THSD7A: variants seen among roughly 807,000 people sequenced by gnomAD.
THSD7A encodes the protein thrombospondin type-1 domain-containing protein 7A.
Under a neutral mutation model 231.3 loss-of-function variants are expected in THSD7A, and 96 were observed. The observed-to-expected ratio is 0.41, with a 90% confidence interval of 0.35 to 0.49. THSD7A has a LOEUF of 0.49. THSD7A is among the 20% of genes least tolerant of loss of function. The pLI is 0.05. For missense variants in THSD7A, 2,290 were observed against 2,070.2 expected (o/e 1.11, Z -2.06); for synonymous variants, 940 against 743.3 (o/e 1.26, Z -4.30).
chr7:11,638,183 G>C (rs1781944152), intron 1 of THSD7A, among the ~76,000 whole-genome samples: 1 of 152,128 alleles, frequency 6.6e-6, no homozygotes, highest in African/African-American at 2.4e-5. Flanking sequence ...GTCTGCAAGA[G>C]GTTTCTACTG....
intron 1 of THSD7A, among the ~76,000 whole-genome samples, chr7:11,737,499 C>G (rs181242689): frequency 6.6e-6 from 1 of 152,012 alleles, no homozygotes; most frequent in Non-Finnish European, 1.5e-5. Context: ...ACTACACTCA[C>G]GCAGTTCCTG....
chr7:11,775,052 C>T (rs1033595290), intron 1 of THSD7A, among the ~76,000 whole-genome samples: 4 of 151,262 alleles, frequency 2.6e-5, no homozygotes, highest in African/African-American at 9.7e-5. Flanking sequence ...CAAAAGCAAA[C>T]AAAAAACAAA....
At position 11,375,429 on chromosome 7, in the gene THSD7A, T is replaced by G; in HGVS notation, c.*365A>C. ...GTAGAAACTCTTCATGCTAGGAAGT[T>G]TTATGGATTAACACTGCAGACGGTC... On this transcript the variant is annotated 3_prime_UTR_variant, in exon 28 of 28. Coordinates refer to ENST00000423059, the MANE Select transcript of THSD7A (RefSeq NM_015204.3). 5.9e-6 allele frequency: 1 copy of G among 169,470 alleles called. No individual in the cohort carries two copies. Among genetic ancestry groups the G allele is most frequent in the Non-Finnish European group, 1.3e-5 (1 of 79,676 alleles). 10.5% of individuals were successfully genotyped at this position (169,470 alleles called of 1,614,324 possible).
chr7:11,402,214 G>A (rs984454971), intron 22 of THSD7A, among the ~76,000 whole-genome samples: 3 of 152,146 alleles, frequency 2.0e-5, no homozygotes, highest in African/African-American at 7.2e-5. Flanking sequence ...GTAAATTGTG[G>A]CTGACAGGAG....
At position 11,375,407 on chromosome 7, in the gene THSD7A, G is replaced by GTC; in HGVS notation, c.*386_*387insGA. ...CCATAGTATTGTGGAGATCTTGGTA[G>GTC]AAACTCTTCATGCTAGGAAGTTTTA... On this transcript the variant is annotated 3_prime_UTR_variant, in exon 28 of 28. Transcript: ENST00000423059. 6.1e-6 allele frequency: 1 copy of GTC among 163,136 alleles called. No homozygotes were observed. The highest frequency in any genetic ancestry group is 1.3e-5 in the Non-Finnish European group (1 of 75,638). 10.1% of individuals were successfully genotyped at this position (163,136 alleles called of 1,614,324 possible).
intron 7 of THSD7A, among the ~76,000 whole-genome samples, chr7:11,481,088 C>T (rs1786404611): frequency 6.6e-6 from 1 of 152,100 alleles, no homozygotes; most frequent in African/African-American, 2.4e-5. Context: ...ATTACCCAGT[C>T]ACACAGAAGC....
intron 4 of THSD7A, among the ~76,000 whole-genome samples, chr7:11,558,948 C>A (rs1353526504): frequency 6.6e-6 from 1 of 150,812 alleles, no homozygotes; most frequent in Non-Finnish European, 1.5e-5. Flanking sequence ...AGGAGAGAAG[C>A]TTCTCGAGTG....
At chr7:11,391,427 G>A (rs1782976625) in intron 23 of THSD7A, among the ~76,000 whole-genome samples, 1 of 152,208 alleles carries the variant, frequency 6.6e-6, no homozygotes, top group Non-Finnish European at 1.5e-5. Flanking sequence ...TCAAGCCTCA[G>A]TAATGGCAGA....
rs748828746 is a variant in THSD7A, at chr7:11,636,679, A to G, written c.473T>C (p.Ile158Thr). The G allele has an allele frequency of 3.7e-6, 6 of 1,613,834 alleles. No individual in the cohort carries two copies. The South Asian group carries it at 6.6e-5, about 18-fold the overall frequency. ...KGEEGIQVREIACIQKDKDIP... is the reference protein window; with the variant it reads ...KGEEGIQVRETACIQKDKDIP... ...GTCTTTGTCTTTCTGGATGCACGCTATCTCCCTCACCTGAATACCTTCTTC... is the reference window on the plus strand; with the variant it reads ...GTCTTTGTCTTTCTGGATGCACGCTGTCTCCCTCACCTGAATACCTTCTTC... Residue 158 changes from isoleucine (I) to threonine (T), a missense_variant, in exon 2 of 28, where the codon ATA becomes ACA. Coordinates refer to ENST00000423059, the MANE Select transcript of THSD7A (RefSeq NM_015204.3). This position sits in a 1 kb window ranked among gnomAD's most constrained non-coding sequence, Gnocchi z 10.0.
At position 11,450,707 on chromosome 7, in the gene THSD7A, T is replaced by G. The variant is rs192700113; in HGVS notation, c.2606-3283A>C. ...GATGGATCATACTAAGAGCACAGTT[T>G]CTTAGCACACCAGAAAACTACATAT... On this transcript the variant is annotated intron_variant, in intron 11 of 27. Coordinates refer to ENST00000423059, the MANE Select transcript of THSD7A (RefSeq NM_015204.3). 1.6e-3 allele frequency among the ~76,000 whole-genome samples: 248 copies of G among 152,154 alleles called. 1 individual carries two copies. Among genetic ancestry groups the G allele is most frequent in the Middle Eastern group, 3.4e-3 (1 of 294 alleles).
Position 11,590,430 on chromosome 7 carries a change from G to A in THSD7A, c.1453+30C>T. The A allele has an allele frequency of 6.3e-7, 1 of 1,589,378 alleles. No homozygotes were observed. The highest frequency in any genetic ancestry group is 1.2e-5 in the South Asian group (1 of 86,172). On this transcript the variant is annotated intron_variant, in intron 4 of 27. Coordinates refer to ENST00000423059, the MANE Select transcript of THSD7A (RefSeq NM_015204.3). The surrounding 1 kb of genome is among the most constrained non-coding windows in gnomAD (Gnocchi z 4.4). ...TCACATGCTCAGTCAGTCTTCATAA[G>A]TGAATCCTTGAGAAGAAAGCAAAGG...
chr7:11,585,688 C>T (rs1371788100), intron 4 of THSD7A, among the ~76,000 whole-genome samples: 1 of 152,026 alleles, frequency 6.6e-6, no homozygotes, highest in Non-Finnish European at 1.5e-5. Flanking sequence ...CGTGGGTGGC[C>T]AGAGCCTATT....
chr7:11,533,654 A>G (rs1433079102), intron 6 of THSD7A, among the ~76,000 whole-genome samples: 3 of 152,120 alleles, frequency 2.0e-5, no homozygotes, highest in African/African-American at 7.2e-5. Flanking sequence ...AAAACCAAAT[A>G]CCACAAGTTC....
chr7:11,433,982 C>A (rs1784555785), intron 13 of THSD7A, among the ~76,000 whole-genome samples: 1 of 151,966 alleles, frequency 6.6e-6, no homozygotes. Context: ...CGTATATTGC[C>A]TAGCATATCA....
At chr7:11,699,018 T>C (rs1338596326) in intron 1 of THSD7A, among the ~76,000 whole-genome samples, 1 of 150,502 alleles carries the variant, frequency 6.6e-6, no homozygotes, top group Non-Finnish European at 1.5e-5. Context: ...TACTTTAACA[T>C]TGCCAAGAGG....
chr7:11,775,819 A>G (rs1783387428), intron 1 of THSD7A, among the ~76,000 whole-genome samples: 1 of 152,228 alleles, frequency 6.6e-6, no homozygotes, highest in African/African-American at 2.4e-5. Context: ...AAAAATGGTT[A>G]AAGTAGTACA....
chr7:11,409,703 G>A (rs776175833), intron 19 of THSD7A, among the ~76,000 whole-genome samples: 3 of 151,982 alleles, frequency 2.0e-5, no homozygotes, highest in Non-Finnish European at 4.4e-5. Context: ...ATCACAGCAA[G>A]CTCTCCAGCC....
chr7:11,602,422 A>G (rs1006052083), intron 2 of THSD7A, among the ~76,000 whole-genome samples: 1 of 152,164 alleles, frequency 6.6e-6, no homozygotes, highest in African/African-American at 2.4e-5. Flanking sequence ...CAAAGATAAG[A>G]TTACAGCAAT....
chr7:11,766,124 C>T (rs74741464), intron 1 of THSD7A, among the ~76,000 whole-genome samples: 3,044 of 152,118 alleles, frequency 0.02, 65 homozygotes, highest in Non-Finnish European at 0.028. Flanking sequence ...GTCTCATGCC[C>T]CTTGACCTTC....
Sources: allele counts gnomAD v4.1 joint callset (sites outside exome capture counted in the v4.1 genomes callset), GRCh38; gene constraint gnomAD v4.1.1; non-coding constraint Gnocchi (gnomAD v3.1); transcripts MANE v1.5; gene names NCBI Gene and HGNC (gene_info 2026-07-23, HGNC 2026-07-21).